The following KCNMA1 variants were observed in gnomAD, a reference collection of about 807,000 sequenced individuals.
The protein encoded by KCNMA1 is Calcium-activated potassium channel subunit alpha-1.
Under a neutral mutation model 140.0 loss-of-function variants are expected in KCNMA1, and 29 were observed. The ratio of observed to expected loss-of-function variants is 0.21; its 90% CI spans 0.15 to 0.28. The LOEUF (loss-of-function observed/expected upper bound fraction) is 0.28. KCNMA1 is among the 10% of genes least tolerant of loss of function. The pLI is 1.00. For missense variants in KCNMA1, 880 were observed against 1,602.2 expected (o/e 0.55, Z 7.70); for synonymous variants, 612 against 611.9 (o/e 1.00, Z 0.00).
chr10:76,993,105 C>G (rs1252345279), intron 19 of KCNMA1, among the ~76,000 whole-genome samples: 1 of 152,194 alleles, frequency 6.6e-6, no homozygotes, highest in Non-Finnish European at 1.5e-5. Flanking sequence ...CCAGCTGTCC[C>G]CACTGGTGGC....
At chr10:77,479,671 G>A (rs1346429249) in intron 1 of KCNMA1, among the ~76,000 whole-genome samples, 1 of 152,146 alleles carries the variant, frequency 6.6e-6, no homozygotes, top group Non-Finnish European at 1.5e-5. Flanking sequence ...AACCCAGGTG[G>A]CCAAGGTGTC....
At chr10:77,173,495 T>A (rs972632805) in intron 5 of KCNMA1, among the ~76,000 whole-genome samples, 12 of 152,152 alleles carry the variant, frequency 7.9e-5, no homozygotes, top group Admixed American at 2.0e-4. Flanking sequence ...TGTATGTACA[T>A]ACACATACAT....
chr10:77,052,589 T>A (rs1170355407), intron 14 of KCNMA1, among the ~76,000 whole-genome samples: 1 of 148,062 alleles, frequency 6.8e-6, no homozygotes, highest in Admixed American at 6.8e-5. Flanking sequence ...AATGGATACC[T>A]AGCATATCCT....
In KCNMA1 at chr10:77,023,646, G is replaced by A. The variant is rs533910826; in HGVS notation, c.1928+4177C>T. ...GTTGGAACTTTGTTTGAACCAATCC[G>A]TGTCCCCTCTCAGAGAGTATGACTG... On this transcript the variant is annotated intron_variant, in intron 16 of 27. Coordinates refer to ENST00000286628, the MANE Select transcript of KCNMA1 (RefSeq NM_001161352.2). 1.2e-4 allele frequency among the ~76,000 whole-genome samples: 18 copies of A among 152,236 alleles called. No homozygotes were observed. In the East Asian group the frequency reaches 1.5e-3, roughly 13 times the overall value.
intron 14 of KCNMA1, among the ~76,000 whole-genome samples, chr10:77,070,392 T>C (rs2096149488): frequency 6.6e-6 from 1 of 152,168 alleles, no homozygotes; most frequent in African/African-American, 2.4e-5. Context: ...TGTTACAGTC[T>C]TGTTTCTCTT....
chr10:77,078,596 T>C (rs1317338023), intron 13 of KCNMA1, among the ~76,000 whole-genome samples: 2 of 152,204 alleles, frequency 1.3e-5, no homozygotes, highest in Admixed American at 1.3e-4. Context: ...TGTCCCACAT[T>C]ACACTCTTAC....
At chr10:77,334,569 C>T (rs983641589) in intron 2 of KCNMA1, among the ~76,000 whole-genome samples, 4 of 152,132 alleles carry the variant, frequency 2.6e-5, no homozygotes, top group African/African-American at 9.7e-5. Context: ...TTACCAACTG[C>T]CTGCTGAGTA....
chr10:76,914,154 T>G (rs906738936), intron 24 of KCNMA1: 10 of 1,538,332 alleles, frequency 6.5e-6, no homozygotes, highest in Non-Finnish European at 8.8e-6. Flanking sequence ...GGATACAGCA[T>G]TTAAGGGTTG....
chr10:76,892,904 C>T (rs1314303178), intron 25 of KCNMA1, among the ~76,000 whole-genome samples: 1 of 152,106 alleles, frequency 6.6e-6, no homozygotes, highest in African/African-American at 2.4e-5. Context: ...GAAATACTTA[C>T]AAAAACACCC....
chr10:77,627,427 C>T (rs144638191), intron 1 of KCNMA1, among the ~76,000 whole-genome samples: 54 of 152,258 alleles, frequency 3.5e-4, no homozygotes, highest in African/African-American at 1.2e-3. Flanking sequence ...GCTGACAAGA[C>T]CGAAGAGACC....
At chr10:77,337,549 G>A (rs867319957) in intron 2 of KCNMA1, among the ~76,000 whole-genome samples, 6 of 152,244 alleles carry the variant, frequency 3.9e-5, no homozygotes, top group Middle Eastern at 3.2e-3. Context: ...GAGCCCGAGA[G>A]GCGGAGGTTG....
rs536705061 is a variant in KCNMA1, at chr10:77,413,121, G to A, written c.379-9098C>T. Among the ~76,000 whole-genome samples the A allele has an allele frequency of 3.3e-5, 5 of 152,192 alleles. No individual in the cohort carries two copies. The South Asian group carries it at 1.0e-3, about 32-fold the overall frequency. ...GATCCACCTGCCTCAGCCTCCCAAA[G>A]TGCTAGGATTTACAGGAGTGAGCCA... On this transcript the variant is annotated intron_variant, in intron 1 of 27. Transcript: ENST00000286628.
At chr10:77,458,326 G>C (rs1039490350) in intron 1 of KCNMA1, among the ~76,000 whole-genome samples, 1 of 152,254 alleles carries the variant, frequency 6.6e-6, no homozygotes, top group African/African-American at 2.4e-5. Context: ...CTAAAGATAG[G>C]GCAGGCACCA....
chr10:77,362,939 C>T (rs1566269236), intron 2 of KCNMA1, among the ~76,000 whole-genome samples: 1 of 152,112 alleles, frequency 6.6e-6, no homozygotes, highest in Admixed American at 6.5e-5. Context: ...GTCTATGGTC[C>T]CCTGGTCCAT....
chr10:76,896,430 C>T (rs2042537931), intron 25 of KCNMA1, among the ~76,000 whole-genome samples: 2 of 152,144 alleles, frequency 1.3e-5, no homozygotes, highest in Admixed American at 6.5e-5. Flanking sequence ...TTCAAACACA[C>T]ATGCTTTAGA....
intron 1 of KCNMA1, among the ~76,000 whole-genome samples, chr10:77,560,020 A>C (rs532347977): frequency 6.9e-6 from 1 of 144,458 alleles, no homozygotes; most frequent in East Asian, 2.1e-4. Context: ...TACTAAAAAT[A>C]CAAAAAAAAA....
chr10:76,940,509 G>C (rs2061667611), intron 23 of KCNMA1, among the ~76,000 whole-genome samples: 1 of 152,168 alleles, frequency 6.6e-6, no homozygotes, highest in Non-Finnish European at 1.5e-5. Flanking sequence ...CATGACATTT[G>C]TCCTGAGTCC....
At chr10:77,508,406 A>T (rs566608684) in intron 1 of KCNMA1, among the ~76,000 whole-genome samples, 1 of 149,468 alleles carries the variant, frequency 6.7e-6, no homozygotes, top group African/African-American at 2.5e-5. Context: ...GGTGGTTTCA[A>T]ACTCCTAGGC....
chr10:76,905,195 T>C (rs2047318153), intron 25 of KCNMA1: 1 of 152,228 alleles, frequency 6.6e-6, no homozygotes, highest in Non-Finnish European at 1.5e-5. Context: ...CTATTACAGA[T>C]CTTTTATTAG....
Sources: gnomAD v4.1 joint callset for allele counts (sites outside exome capture counted in the v4.1 genomes callset) on GRCh38, gnomAD v4.1.1 for gene constraint, MANE v1.5 for transcripts, NCBI Gene and HGNC (gene_info 2026-07-23, HGNC 2026-07-21) for gene names.